The following CYYR1 variants were observed in gnomAD, a reference collection of about 807,000 sequenced individuals.
The protein encoded by CYYR1 is cysteine and tyrosine rich 1, also known as cysteine and tyrosine-rich protein 1.
Under a neutral mutation model 15.2 loss-of-function variants are expected in CYYR1, and 14 were observed. The observed-to-expected ratio is 0.92, with a 90% confidence interval of 0.61 to 1.44. CYYR1 has a LOEUF of 1.44. Ranked by LOEUF, CYYR1 falls within the 40% of genes most tolerant of loss-of-function variation. The pLI, the probability that CYYR1 is intolerant of heterozygous loss-of-function variation, is 0.00. For synonymous variants in CYYR1, 80 were observed against 77.4 expected, an observed-to-expected ratio of 1.03 and a Z score of -0.18; for missense variants, 228 against 209.5, an observed-to-expected ratio of 1.09 and a Z score of -0.54.
At chr21:26,493,367 C>T (rs555487291) in intron 2 of CYYR1, among the ~76,000 whole-genome samples, 2 of 152,234 alleles carry the variant, frequency 1.3e-5, no homozygotes, top group South Asian at 2.1e-4. Context: ...AATTAAAAGA[C>T]TGTTGTAAAT....
intron 2 of CYYR1, among the ~76,000 whole-genome samples, chr21:26,490,385 C>A (rs2065311991): frequency 6.6e-6 from 1 of 151,882 alleles, no homozygotes; most frequent in South Asian, 2.1e-4. Context: ...TTGGATGATA[C>A]ATAATACTTG....
chr21:26,490,500 T>G (rs2065313192), intron 2 of CYYR1, among the ~76,000 whole-genome samples: 1 of 152,080 alleles, frequency 6.6e-6, no homozygotes, highest in African/African-American at 2.4e-5. Flanking sequence ...ATGAAATAAT[T>G]TGGTCATACT....
chr21:26,545,564 A>ATTTTTT (rs1555910241), intron 2 of CYYR1, among the ~76,000 whole-genome samples: 3 of 73,860 alleles, frequency 4.1e-5, no homozygotes, highest in Non-Finnish European at 5.8e-5. Flanking sequence ...TAAGATGCTT[A>ATTTTTT]TTCTTTTTTT....
chr21:26,565,168 T>C (rs2830283), intron 2 of CYYR1, among the ~76,000 whole-genome samples: 10,830 of 152,250 alleles, frequency 0.071, 451 homozygotes, highest in South Asian at 0.15. Flanking sequence ...TATGATTTTT[T>C]ATTTTGTATT....
chr21:26,520,664 C>T (rs564173987), intron 2 of CYYR1, among the ~76,000 whole-genome samples: 2 of 152,288 alleles, frequency 1.3e-5, no homozygotes, highest in South Asian at 4.1e-4. Flanking sequence ...TACTATCTTC[C>T]ACAATGGTTG....
At chr21:26,495,842 T>A (rs2065394054) in intron 2 of CYYR1, among the ~76,000 whole-genome samples, 1 of 152,102 alleles carries the variant, frequency 6.6e-6, no homozygotes, top group Non-Finnish European at 1.5e-5. Context: ...ATCAAAGGGG[T>A]TTAAACTCAG....
In CYYR1 at chr21:26,572,982, G is replaced by A; in HGVS notation, c.-42C>T. The A allele has an allele frequency of 6.2e-7, 1 of 1,613,070 alleles. No homozygotes were observed. The highest frequency in any genetic ancestry group is 8.5e-7 in the Non-Finnish European group (1 of 1,179,600). ...AGGCTTGGAGCGAAGGGAGAGCCCGGAACCGGAGGGAATGGGGAGGATGGA... is the reference window on the plus strand; with the variant it reads ...AGGCTTGGAGCGAAGGGAGAGCCCGAAACCGGAGGGAATGGGGAGGATGGA... On this transcript the variant is annotated 5_prime_UTR_variant, in exon 1 of 4. Coordinates refer to ENST00000652641, the MANE Select transcript of CYYR1 (RefSeq NM_001320768.2).
intron 1 of CYYR1, chr21:26,567,937 A>G (rs1980753785): frequency 6.6e-6 from 1 of 152,146 alleles, no homozygotes; most frequent in Admixed American, 6.5e-5. Flanking sequence ...CTTCTCCTCA[A>G]TTTTATTTTT....
At chr21:26,490,574 A>T (rs559874133) in intron 2 of CYYR1, among the ~76,000 whole-genome samples, 1 of 152,332 alleles carries the variant, frequency 6.6e-6, no homozygotes, top group Admixed American at 6.5e-5. Context: ...GAATAGTAGT[A>T]ATTTCTTAAT....
intron 2 of CYYR1, among the ~76,000 whole-genome samples, chr21:26,513,815 CA>C (rs528459683): frequency 6.8e-6 from 1 of 146,616 alleles, no homozygotes; most frequent in Non-Finnish European, 1.5e-5. Flanking sequence ...ATTGCAAGGA[CA>C]AAAAACCAAA....
intron 2 of CYYR1, among the ~76,000 whole-genome samples, chr21:26,544,536 G>A (rs1978812466): frequency 6.6e-6 from 1 of 152,100 alleles, no homozygotes; most frequent in Non-Finnish European, 1.5e-5. Context: ...AGAATGCCGT[G>A]TTTATAAATC....
intron 2 of CYYR1, among the ~76,000 whole-genome samples, chr21:26,483,817 A>T (rs2065215619): frequency 6.6e-6 from 1 of 152,068 alleles, no homozygotes; most frequent in Non-Finnish European, 1.5e-5. Context: ...TAGCTGTGGA[A>T]CCTTGGGCAT....
intron 3 of CYYR1, chr21:26,477,718 T>C: frequency 1.0e-6 from 1 of 982,396 alleles, no homozygotes; most frequent in Non-Finnish European, 1.2e-6. Flanking sequence ...TAGAACGTTA[T>C]CTGCAAAGCA....
At chr21:26,481,114 A>T (rs140493156) in intron 2 of CYYR1, among the ~76,000 whole-genome samples, 18 of 152,314 alleles carry the variant, frequency 1.2e-4, no homozygotes, top group African/African-American at 4.1e-4. Flanking sequence ...ATAGCAGAAA[A>T]GAGTCAACAT....
At chr21:26,551,771 T>C in intron 2 of CYYR1, 1 of 253,382 alleles carries the variant, frequency 3.9e-6, no homozygotes, top group Admixed American at 4.3e-5. Context: ...CTGTGAACAC[T>C]GTGGAAATGA....
intron 1 of CYYR1, among the ~76,000 whole-genome samples, chr21:26,567,704 G>C (rs1980733891): frequency 6.6e-6 from 1 of 151,868 alleles, no homozygotes; most frequent in African/African-American, 2.4e-5. Flanking sequence ...TAAAACTTTT[G>C]TTTCCCTATC....
intron 2 of CYYR1, chr21:26,564,796 T>C (rs1306707876): frequency 1.6e-6 from 2 of 1,249,268 alleles, no homozygotes; most frequent in Non-Finnish European, 2.1e-6. Flanking sequence ...CTCCAAGTTA[T>C]ACTCGCACCT....
rs1367672221 is a variant in CYYR1, at chr21:26,468,411, G to A, written c.*90C>T. The A allele has an allele frequency of 3.0e-5, 26 of 870,362 alleles. No individual in the cohort carries two copies. The East Asian group carries it at 6.1e-4, about 20-fold the overall frequency. 53.9% of individuals were successfully genotyped at this position (870,362 alleles called of 1,614,324 possible). The stretch of plus-strand genomic sequence containing the variant: ...TATCTGACCCCAAAAAGTATTCCTT[G>A]GAGCAATTCTTTCCTGCCTGTTTCT... On this transcript the variant is annotated 3_prime_UTR_variant, in exon 4 of 4. Coordinates refer to ENST00000652641, the MANE Select transcript of CYYR1 (RefSeq NM_001320768.2).
chr21:26,558,577 A>C (rs777599069), intron 2 of CYYR1, among the ~76,000 whole-genome samples: 7 of 152,130 alleles, frequency 4.6e-5, no homozygotes, highest in Non-Finnish European at 1.0e-4. Flanking sequence ...AGGTTGCTGC[A>C]CTCAAAGTAT....
Sources: allele counts gnomAD v4.1 joint callset (sites outside exome capture counted in the v4.1 genomes callset), GRCh38; gene constraint gnomAD v4.1.1; transcripts MANE v1.5; gene names NCBI Gene and HGNC (gene_info 2026-07-23, HGNC 2026-07-21).